The following LDLRAD3 variants were observed in gnomAD, a reference collection of about 807,000 sequenced individuals.
The protein encoded by LDLRAD3 is low density lipoprotein receptor class A domain containing 3.
LDLRAD3 carries 20 observed loss-of-function variants against 29.4 expected under a neutral mutation model. That is an observed-to-expected ratio of 0.68 (90% CI 0.48 to 0.99). LDLRAD3 has a LOEUF of 0.99. Among genes scored for constraint, LDLRAD3 ranks in the 50% least tolerant of loss-of-function variants. The pLI is 0.00. For missense variants in LDLRAD3, 420 were observed against 454.3 expected (o/e 0.92, Z 0.69); for synonymous variants, 157 against 192.7 (o/e 0.81, Z 1.53).
Position 36,181,158 on chromosome 11 carries a change from C to T in LDLRAD3, c.455-45927C>T, listed in dbSNP as rs1854756639. The stretch of plus-strand genomic sequence containing the variant: ...CAATAAAATGTATTAACTGCTGGCA[C>T]CACTTCAAAACTCTGGCTAGTCTTT... On this transcript the variant is annotated intron_variant, in intron 4 of 5. Coordinates refer to ENST00000315571, the MANE Select transcript of LDLRAD3 (RefSeq NM_174902.4). Among the ~76,000 whole-genome samples the T allele has an allele frequency of 2.0e-5, 3 of 151,644 alleles. No individual in the cohort carries two copies. In the South Asian group the frequency reaches 6.2e-4, roughly 32 times the overall value.
intron 1 of LDLRAD3, among the ~76,000 whole-genome samples, chr11:35,951,122 G>A (rs17382564): frequency 0.065 from 9,872 of 151,944 alleles, 408 homozygotes; most frequent in Non-Finnish European, 0.087. Flanking sequence ...GACTGAGTAC[G>A]TGCTTATGAT....
intron 4 of LDLRAD3, among the ~76,000 whole-genome samples, chr11:36,185,068 G>A (rs1854826208): frequency 1.3e-5 from 2 of 152,126 alleles, no homozygotes; most frequent in Non-Finnish European, 1.5e-5. Context: ...TTCCCCAGTA[G>A]GGGAGATGGT....
chr11:36,142,656 A>AG (rs1854103584), intron 4 of LDLRAD3, among the ~76,000 whole-genome samples: 1 of 151,936 alleles, frequency 6.6e-6, no homozygotes, highest in Non-Finnish European at 1.5e-5. Context: ...GCAGTGGTGC[A>AG]CCCGGTGCAG....
At chr11:36,007,891 T>C (rs1199242298) in intron 1 of LDLRAD3, among the ~76,000 whole-genome samples, 4 of 152,182 alleles carry the variant, frequency 2.6e-5, no homozygotes. Flanking sequence ...GATTTTTCCA[T>C]GGCTATGTTT....
chr11:36,187,344 C>T (rs1236565089), intron 4 of LDLRAD3, among the ~76,000 whole-genome samples: 5 of 152,022 alleles, frequency 3.3e-5, no homozygotes, highest in African/African-American at 7.3e-5. Context: ...ATATGCATGT[C>T]GTGTATCTAT....
chr11:36,050,349 A>G (rs1481222537), intron 2 of LDLRAD3, among the ~76,000 whole-genome samples: 4 of 152,222 alleles, frequency 2.6e-5, no homozygotes, highest in African/African-American at 7.2e-5. Flanking sequence ...AGCCCTGGGC[A>G]GTGCCTGCTT....
chr11:36,186,357 G>A (rs1007147106), intron 4 of LDLRAD3, among the ~76,000 whole-genome samples: 4 of 152,182 alleles, frequency 2.6e-5, no homozygotes, highest in East Asian at 1.9e-4. Context: ...TACGGTATAT[G>A]CAGTTGCCGG....
At chr11:36,124,338 C>G (rs1042012426) in intron 4 of LDLRAD3, among the ~76,000 whole-genome samples, 1 of 152,192 alleles carries the variant, frequency 6.6e-6, no homozygotes, top group Admixed American at 6.5e-5. Context: ...AAGCAATATA[C>G]TATATGCCAG....
At chr11:36,006,809 T>G (rs1383022928) in intron 1 of LDLRAD3, among the ~76,000 whole-genome samples, 1 of 152,264 alleles carries the variant, frequency 6.6e-6, no homozygotes, top group East Asian at 1.9e-4. Flanking sequence ...TGAAATTGCC[T>G]TATGGGCTCA....
intron 4 of LDLRAD3, among the ~76,000 whole-genome samples, chr11:36,118,191 C>G (rs573121260): frequency 6.6e-6 from 1 of 152,108 alleles, no homozygotes; most frequent in Admixed American, 6.5e-5. Context: ...CAATAGTACT[C>G]TGGTTGAAAG....
At chr11:36,174,751 G>A (rs1254669430) in intron 4 of LDLRAD3, among the ~76,000 whole-genome samples, 1 of 152,196 alleles carries the variant, frequency 6.6e-6, no homozygotes, top group African/African-American at 2.4e-5. Context: ...GGAGGCTGAG[G>A]CAGGCGGATC....
intron 1 of LDLRAD3, among the ~76,000 whole-genome samples, chr11:35,949,385 G>T (rs1851102290): frequency 6.6e-6 from 1 of 152,192 alleles, no homozygotes; most frequent in African/African-American, 2.4e-5. Flanking sequence ...AGGAGCACAA[G>T]CTGCCAGATT....
chr11:36,171,011 A>G (rs967590173), intron 4 of LDLRAD3, among the ~76,000 whole-genome samples: 3 of 152,196 alleles, frequency 2.0e-5, no homozygotes, highest in Non-Finnish European at 2.9e-5. Flanking sequence ...CATGTTGGCC[A>G]GGATGGTATC....
chr11:36,062,091 G>C (rs898648269), intron 2 of LDLRAD3, among the ~76,000 whole-genome samples: 1 of 152,110 alleles, frequency 6.6e-6, no homozygotes, highest in Non-Finnish European at 1.5e-5. Flanking sequence ...CCATTTTACA[G>C]ATGAGAGAGG....
At chr11:36,205,703 G>A (rs1262297399) in intron 4 of LDLRAD3, among the ~76,000 whole-genome samples, 1 of 152,150 alleles carries the variant, frequency 6.6e-6, no homozygotes, top group East Asian at 1.9e-4. Flanking sequence ...CTGATTATGG[G>A]TTTTTCTCCT....
chr11:36,177,530 C>T (rs867324181), intron 4 of LDLRAD3, among the ~76,000 whole-genome samples: 1 of 152,278 alleles, frequency 6.6e-6, no homozygotes, highest in Middle Eastern at 3.4e-3. Context: ...TGGTGCTCTC[C>T]CTCTTCCCCT....
At chr11:36,165,940 TGCTTCCTCCCTC>T (rs1362292939) in intron 4 of LDLRAD3, among the ~76,000 whole-genome samples, 2 of 137,314 alleles carry the variant, frequency 1.5e-5, no homozygotes, top group Non-Finnish European at 1.5e-5. Flanking sequence ...CTGACTGGCT[TGCTTCCTCCCTC>T]CCTCCCTCCC....
intron 4 of LDLRAD3, among the ~76,000 whole-genome samples, chr11:36,194,000 G>A (rs1854994433): frequency 1.3e-5 from 2 of 152,166 alleles, no homozygotes; most frequent in Non-Finnish European, 2.9e-5. Context: ...ACATTGAGAG[G>A]TGAGATAACA....
intron 4 of LDLRAD3, among the ~76,000 whole-genome samples, chr11:36,188,935 A>G (rs528879195): frequency 6.6e-6 from 1 of 151,902 alleles, no homozygotes; most frequent in East Asian, 1.9e-4. Context: ...AAGTGGCGCA[A>G]CTGAATCATC....
Sources: allele counts gnomAD v4.1 joint callset (sites outside exome capture counted in the v4.1 genomes callset), GRCh38; gene constraint gnomAD v4.1.1; transcripts MANE v1.5; gene names NCBI Gene and HGNC (gene_info 2026-07-23, HGNC 2026-07-21).